ANKRD18B: variants seen among roughly 807,000 people sequenced by gnomAD.
ANKRD18B encodes the protein ankyrin repeat domain-containing protein 18B.
In ANKRD18B, 75 loss-of-function variants were observed where a neutral mutation model predicts 111.8. The observed-to-expected ratio is 0.67, with a 90% confidence interval of 0.56 to 0.81. The LOEUF is 0.81. ANKRD18B is among the 40% of genes least tolerant of loss of function. ANKRD18B has a pLI of 0.00. For missense variants in ANKRD18B, 1,038 were observed against 1,225.5 expected (o/e 0.85, Z 2.28); for synonymous variants, 356 against 417.3 (o/e 0.85, Z 1.79).
intron 15 of ANKRD18B, among the ~76,000 whole-genome samples, 161 bp downstream of exon 15, chr9:33,566,661 T>A (rs1481455361): frequency 6.6e-6 from 1 of 152,168 alleles, no homozygotes; most frequent in Non-Finnish European, 1.5e-5. Flanking sequence ...CTTTTAAATA[T>A]TTAAATTTCC....
intron 12 of ANKRD18B, among the ~76,000 whole-genome samples, chr9:33,551,022 C>T (rs1828438355): frequency 6.6e-6 from 1 of 152,144 alleles, no homozygotes; most frequent in Admixed American, 6.6e-5. Context: ...TCTAGGTTAA[C>T]TTGTACAGAA....
chr9:33,565,622 C>A (rs560698146), intron 14 of ANKRD18B, among the ~76,000 whole-genome samples: 4 of 151,710 alleles, frequency 2.6e-5, no homozygotes, highest in African/African-American at 9.7e-5. Context: ...AGCCACCATG[C>A]CTGGCTAATT....
chr9:33,531,754 T>A (rs892284915), intron 3 of ANKRD18B, among the ~76,000 whole-genome samples: 1 of 151,420 alleles, frequency 6.6e-6, no homozygotes, highest in Non-Finnish European at 1.5e-5. Flanking sequence ...TTTATATAAA[T>A]CCCTCAATTA....
chr9:33,541,430 C>T (rs551254710), intron 9 of ANKRD18B, among the ~76,000 whole-genome samples: 9 of 152,280 alleles, frequency 5.9e-5, no homozygotes, highest in African/African-American at 1.4e-4. Context: ...TTGCTGGGAA[C>T]GGTGGCTCCT....
Position 33,533,527 on chromosome 9 carries a change from C to G in ANKRD18B, c.584C>G (p.Ala195Gly). 3.3e-6 allele frequency: 5 copies of G among 1,530,830 alleles called. No individual in the cohort carries two copies. The highest frequency in any genetic ancestry group is 4.4e-6 in the Non-Finnish European group (5 of 1,141,074). The allele number at this position is 1,530,830 out of a possible 1,614,324, so 94.8% of individuals were successfully genotyped here. ...FLLKNQANIH[A>G]VDNFKRTALI... ...TTGAAGAACCAGGCAAATATACATG[C>G]CGTTGACAATTTCAAAAGGTGCAAT... The change falls in exon 4 of 19, where the codon GCC (alanine) becomes GGC (glycine). Residue 195 changes from alanine to glycine, a missense_variant. This residue lies in a region of ANKRD18B where 93 missense variants were observed against 141.3 expected (regional missense o/e 0.66). Coordinates refer to ENST00000684830, the MANE Select transcript of ANKRD18B (RefSeq NM_001393611.1).
chr9:33,550,489 A>T lies in ANKRD18B; in HGVS notation c.2127A>T (p.Ser709=). ...ATCATCTTAAAAAATTTTCAATGTC[A>T]GAGTCTCCACTGGAAGGTACATCAC... ...LVDHLKKFSM[S]ESPLEGTSHC... Residue 709 remains serine (S), a synonymous_variant, in exon 12 of 19, where the codon TCA becomes TCT. Coordinates refer to ENST00000684830, the MANE Select transcript of ANKRD18B (RefSeq NM_001393611.1). 2 of 1,548,642 alleles carry T rather than the reference A, an allele frequency of 1.3e-6. No homozygotes were observed. Among genetic ancestry groups the T allele is most frequent in the East Asian group, 4.9e-5 (2 of 40,786 alleles).
At chr9:33,545,164 C>T (rs1563903001) in intron 10 of ANKRD18B, among the ~76,000 whole-genome samples, 1 of 152,142 alleles carries the variant, frequency 6.6e-6, no homozygotes, top group Non-Finnish European at 1.5e-5. Flanking sequence ...GAAAATAGAT[C>T]AGACTGTAAA....
rs916654135 is a variant in ANKRD18B, at chr9:33,524,670, T to A, written c.181T>A (p.Leu61Met). ...CTGCCTGACGCGCAGGTTCCGGGAC[T>A]TGGACGTCCGCGACAGAAAAGACAG... ...EHCLTRRFRD[L>M]DVRDRKDRTV... The change falls in exon 1 of 19, where the codon TTG becomes ATG. Residue 61 changes from leucine to methionine, a missense_variant. Transcript: ENST00000684830. 6.4e-7 allele frequency: 1 copy of A among 1,550,710 alleles called. No individual in the cohort carries two copies. Among genetic ancestry groups the A allele is most frequent in the Middle Eastern group, 1.8e-4 (1 of 5,610 alleles).
Position 33,543,211 on chromosome 9 carries a change from GA to G in ANKRD18B, c.1109del (p.Lys370SerfsTer32). 1 of 1,552,896 alleles carries G rather than the reference GA, an allele frequency of 6.4e-7. No individual in the cohort carries two copies. Among genetic ancestry groups the G allele is most frequent in the Admixed American group, 2.0e-5 (1 of 51,148 alleles). Reference protein sequence around the residue: ...KEHNLKVASEEKQERLERSEN... With the variant: ...KEHNLKVASEXKQERLERSEN... ...ACACAACTTAAAAGTGGCTTCAGAG[GA>G]AAAGCAAGAAAGGCTTGAAAGAAGT... On this transcript the variant is annotated frameshift_variant, in exon 10 of 19. Coordinates refer to ENST00000684830, the MANE Select transcript of ANKRD18B (RefSeq NM_001393611.1). LOFTEE classifies it high-confidence loss of function.
At chr9:33,527,670 T>C (rs1828046130) in intron 1 of ANKRD18B, among the ~76,000 whole-genome samples, 1 of 152,188 alleles carries the variant, frequency 6.6e-6, no homozygotes, top group African/African-American at 2.4e-5. Context: ...TTAAAAAATA[T>C]GTTGTTATTT....
At chr9:33,531,173 T>A (rs960784636) in intron 3 of ANKRD18B, among the ~76,000 whole-genome samples, 2 of 152,208 alleles carry the variant, frequency 1.3e-5, no homozygotes, top group Non-Finnish European at 2.9e-5. Flanking sequence ...TGGTTAACAA[T>A]CTGGGAAAAT....
chr9:33,546,800 T>A (rs397832801), intron 10 of ANKRD18B, among the ~76,000 whole-genome samples: 2 of 152,140 alleles, frequency 1.3e-5, no homozygotes, highest in Non-Finnish European at 2.9e-5. Flanking sequence ...TTTACTTCCA[T>A]TATCAAGTAG....
chr9:33,547,189 TTC>T lies in ANKRD18B; in HGVS notation c.1150-745_1150-744del, dbSNP rs1828369266. The stretch of plus-strand genomic sequence containing the variant: ...ACATTTTATGCCTGTGTCTTTTTGT[TTC>T]TCTGTTTTTGTGTTGATATATTTAC... On this transcript the variant is annotated intron_variant, in intron 10 of 18. Transcript: ENST00000684830. Among the ~76,000 whole-genome samples, 10 of 152,270 alleles carry T rather than the reference TTC, an allele frequency of 6.6e-5. No individual in the cohort carries two copies. In the South Asian group the frequency reaches 2.1e-3, roughly 32 times the overall value.
At chr9:33,545,031 C>T (rs1300599131) in intron 10 of ANKRD18B, among the ~76,000 whole-genome samples, 1 of 152,148 alleles carries the variant, frequency 6.6e-6, no homozygotes, top group African/African-American at 2.4e-5. Flanking sequence ...GAGTGTCTAA[C>T]TCTGTGCTAT....
intron 12 of ANKRD18B, among the ~76,000 whole-genome samples, chr9:33,551,359 C>T (rs79498232): frequency 0.087 from 13,258 of 152,318 alleles, 588 homozygotes; most frequent in South Asian, 0.099. Context: ...ATTTTCACCA[C>T]TCTGAAAAGC....
intron 14 of ANKRD18B, among the ~76,000 whole-genome samples, chr9:33,560,097 G>T (rs535676529): frequency 1.3e-5 from 2 of 152,300 alleles, no homozygotes; most frequent in East Asian, 3.9e-4. Context: ...CTGCATCTGT[G>T]CTGTAGCAGG....
intron 1 of ANKRD18B, among the ~76,000 whole-genome samples, chr9:33,528,187 G>C (rs945988596): frequency 6.6e-6 from 1 of 152,172 alleles, no homozygotes; most frequent in African/African-American, 2.4e-5. Flanking sequence ...TGTGGTCCCA[G>C]CTATTCAGGA....
intron 9 of ANKRD18B, among the ~76,000 whole-genome samples, chr9:33,542,678 T>A (rs909635371): frequency 7.2e-5 from 11 of 152,116 alleles, no homozygotes. Flanking sequence ...CCAGCCTACA[T>A]TCTGAGTCTT....
intron 17 of ANKRD18B, among the ~76,000 whole-genome samples, chr9:33,569,352 C>T (rs1828735253): frequency 6.6e-6 from 1 of 151,040 alleles, no homozygotes; most frequent in South Asian, 2.1e-4. Context: ...GCAACCTCCG[C>T]CTCCTGGGTT....
Sources: allele counts gnomAD v4.1 joint callset (sites outside exome capture counted in the v4.1 genomes callset), GRCh38; gene constraint gnomAD v4.1.1; regional missense constraint gnomAD v4.1.1; transcripts MANE v1.5; gene names NCBI Gene and HGNC (gene_info 2026-07-23, HGNC 2026-07-21).